Variants in HIVEP2 observed in about 807,000 individuals in gnomAD.
The protein encoded by HIVEP2 is HIVEP zinc finger 2.
HIVEP2 carries 14 observed loss-of-function variants against 180.7 expected under a neutral mutation model. The observed-to-expected ratio is 0.08, with a 90% CI of 0.05 to 0.12. HIVEP2 has a LOEUF of 0.12. HIVEP2 is among the 10% of genes least tolerant of loss of function. HIVEP2 has a pLI of 1.00. For synonymous variants in HIVEP2, 1,184 were observed against 1,136.4 expected (o/e 1.04, Z -0.84); for missense variants, 2,579 against 3,008.5 (o/e 0.86, Z 3.34).
In HIVEP2 at chr6:142,810,761, C is replaced by CAA. The variant is rs60893476; in HGVS notation, c.-528+26172_-528+26173dup. Among the ~76,000 whole-genome samples, 474 of 100,662 alleles carry CAA rather than the reference C, an allele frequency of 4.7e-3. 5 individuals are homozygous for CAA. The highest frequency in any genetic ancestry group is 0.017 in the African/African-American group (415 of 24,172). 66.0% of individuals were successfully genotyped at this position (100,662 alleles called of 152,430 possible). ...TGGGCAACAGAGTAAGACTCTGTCT[C>CAA]AAAAAAAAAAAAAAAAAACAAAAAA... is the stretch of plus-strand genomic sequence containing the variant. On this transcript the variant is annotated intron_variant, in intron 2 of 9. Transcript: ENST00000367603.
At chr6:142,897,863 T>C (rs1562283403) in intron 1 of HIVEP2, among the ~76,000 whole-genome samples, 2 of 152,222 alleles carry the variant, frequency 1.3e-5, no homozygotes, top group African/African-American at 4.8e-5. Context: ...CAAAACACTC[T>C]TGACCTCCTT....
chr6:142,760,310 G>A lies in HIVEP2; in HGVS notation c.5978C>T (p.Thr1993Ile). 6.2e-7 allele frequency: 1 copy of A among 1,614,060 alleles called. No individual in the cohort carries two copies. The highest frequency in any genetic ancestry group is 1.1e-5 in the South Asian group (1 of 91,086). ...TAGCCTCTGGTATTCTGTCATCTGG[G>A]TATCTTCACATGAATCACTGGGTGT... ...LMTPSDSCED[T>I]QMTEYQRLFQ... The change falls in exon 9 of 10, where the codon ACC becomes ATC. Residue 1993 changes from threonine (T) to isoleucine (I), a missense_variant. Thr to Ile is a moderately conservative substitution (Grantham distance 89). Transcript: ENST00000367603.
intron 1 of HIVEP2, among the ~76,000 whole-genome samples, chr6:142,876,856 TCACA>T (rs10548517): frequency 6.3e-4 from 94 of 149,426 alleles, no homozygotes; most frequent in African/African-American, 1.5e-3. Flanking sequence ...AATCCCATCT[TCACA>T]CACACACACA....
chr6:142,936,846 T>C (rs1778070430), intron 1 of HIVEP2, among the ~76,000 whole-genome samples: 1 of 151,826 alleles, frequency 6.6e-6, no homozygotes, highest in Non-Finnish European at 1.5e-5. Flanking sequence ...TTTTTTTTAC[T>C]ATTTTTGTCT....
At position 142,783,185 on chromosome 6, in the gene HIVEP2, G is replaced by A. The variant is rs532384310; in HGVS notation, c.-433+336C>T. On this transcript the variant is annotated intron_variant, in intron 3 of 9. Coordinates refer to ENST00000367603, the MANE Select transcript of HIVEP2 (RefSeq NM_006734.4). Reference sequence around the variant, plus strand: ...TCTACTAAAAATACAAAAATTAGCCGGGCATGGTGGCAGGTGCCTGTAGTC... The same window carrying A: ...TCTACTAAAAATACAAAAATTAGCCAGGCATGGTGGCAGGTGCCTGTAGTC... 1.1e-4 allele frequency among the ~76,000 whole-genome samples: 17 copies of A among 151,852 alleles called. No individual in the cohort carries two copies. The South Asian group carries it at 2.3e-3, about 20-fold the overall frequency.
At chr6:142,931,440 G>C (rs1777940450) in intron 1 of HIVEP2, among the ~76,000 whole-genome samples, 1 of 152,028 alleles carries the variant, frequency 6.6e-6, no homozygotes, top group African/African-American at 2.4e-5. Context: ...TTTGAGCTCA[G>C]CCTAGTATCA....
intron 2 of HIVEP2, among the ~76,000 whole-genome samples, chr6:142,817,515 T>G (rs918890363): frequency 7.9e-5 from 12 of 152,236 alleles, no homozygotes; most frequent in African/African-American, 2.9e-4. Flanking sequence ...TTATGTACTA[T>G]GCTGGACACA....
At chr6:142,879,888 G>A (rs1043042250) in intron 1 of HIVEP2, among the ~76,000 whole-genome samples, 3 of 152,042 alleles carry the variant, frequency 2.0e-5, no homozygotes, top group Non-Finnish European at 4.4e-5. Flanking sequence ...AGTGCCACAT[G>A]GGCCATGATC....
At chr6:142,926,238 T>C (rs1169032775) in intron 1 of HIVEP2, among the ~76,000 whole-genome samples, 1 of 152,230 alleles carries the variant, frequency 6.6e-6, no homozygotes, top group Non-Finnish European at 1.5e-5. Flanking sequence ...ATCTAATAAT[T>C]TCAGTATAAT....
At chr6:142,898,635 C>T (rs1444301326) in intron 1 of HIVEP2, among the ~76,000 whole-genome samples, 3 of 151,988 alleles carry the variant, frequency 2.0e-5, no homozygotes, top group South Asian at 2.1e-4. Context: ...CCAGCCTGGG[C>T]GACAGAGTGA....
chr6:142,800,714 C>T (rs540144192), intron 2 of HIVEP2, among the ~76,000 whole-genome samples: 2 of 151,948 alleles, frequency 1.3e-5, no homozygotes, highest in Admixed American at 6.6e-5. Context: ...AGGAGGAATC[C>T]CTCAAAATGC....
At chr6:142,843,567 G>A (rs1421688288) in intron 1 of HIVEP2, among the ~76,000 whole-genome samples, 1 of 152,228 alleles carries the variant, frequency 6.6e-6, no homozygotes, top group Middle Eastern at 3.4e-3. Context: ...ATTCTAGAAG[G>A]GAGAGCCTAG....
chr6:142,836,208 T>C (rs1006705719), intron 2 of HIVEP2, among the ~76,000 whole-genome samples: 26 of 152,170 alleles, frequency 1.7e-4, no homozygotes, highest in African/African-American at 6.0e-4. Flanking sequence ...TTTGCTTGGA[T>C]TTTTTAAAAA....
chr6:142,878,909 A>T (rs1488446621), intron 1 of HIVEP2, among the ~76,000 whole-genome samples: 1 of 152,166 alleles, frequency 6.6e-6, no homozygotes, highest in African/African-American at 2.4e-5. Flanking sequence ...CTTGGACTTG[A>T]ACTCAGAAGA....
Position 142,882,520 on chromosome 6 carries a change from A to T in HIVEP2, c.-640-45473T>A, listed in dbSNP as rs1344929828. Reference sequence around the variant, plus strand: ...TCCTAGCTACTTAGGAGGCTGAGGCAGGAGGATCATTTGAGCTCAGGAAGT... The same window carrying T: ...TCCTAGCTACTTAGGAGGCTGAGGCTGGAGGATCATTTGAGCTCAGGAAGT... On this transcript the variant is annotated intron_variant, in intron 1 of 9. Transcript: ENST00000367603. 2.0e-5 allele frequency among the ~76,000 whole-genome samples: 3 copies of T among 151,118 alleles called. No individual in the cohort carries two copies. The South Asian group carries it at 6.3e-4, about 32-fold the overall frequency.
chr6:142,811,804 C>T (rs771713128), intron 2 of HIVEP2, among the ~76,000 whole-genome samples: 3 of 152,298 alleles, frequency 2.0e-5, no homozygotes, highest in Admixed American at 1.3e-4. Flanking sequence ...TAACGGATAT[C>T]ATATCAATGA....
chr6:142,796,797 G>A (rs185867305), intron 2 of HIVEP2, among the ~76,000 whole-genome samples: 8 of 152,226 alleles, frequency 5.3e-5, no homozygotes, highest in East Asian at 1.9e-4. Flanking sequence ...TTTTTATTGC[G>A]TCTGCACTTT....
intron 2 of HIVEP2, among the ~76,000 whole-genome samples, chr6:142,789,437 T>A (rs890269988): frequency 1.2e-4 from 19 of 152,358 alleles, no homozygotes; most frequent in Non-Finnish European, 2.6e-4. Context: ...TCTGACTAAC[T>A]TGATTTTAGG....
chr6:142,801,007 G>A (rs1776391978), intron 2 of HIVEP2, among the ~76,000 whole-genome samples: 1 of 151,926 alleles, frequency 6.6e-6, no homozygotes. Flanking sequence ...AATACTGTAG[G>A]AGTCACCTCA....
Sources: allele counts gnomAD v4.1 joint callset (sites outside exome capture counted in the v4.1 genomes callset), GRCh38; gene constraint gnomAD v4.1.1; transcripts MANE v1.5; gene names NCBI Gene and HGNC (gene_info 2026-07-23, HGNC 2026-07-21).